USH2A: variants seen among roughly 807,000 people sequenced by gnomAD.
USH2A encodes the protein usherin.
A neutral mutation model predicts 538.9 loss-of-function variants in USH2A; 443 were observed. The ratio of observed to expected loss-of-function variants is 0.82; its 90% CI spans 0.76 to 0.89. The LOEUF (loss-of-function observed/expected upper bound fraction) is 0.89, where lower values mean the gene tolerates loss of function less well. USH2A is among the 40% of genes least tolerant of loss of function. The pLI, the probability that USH2A is intolerant of heterozygous loss-of-function variation, is 0.00. For synonymous variants in USH2A, 2,413 were observed against 2,273.5 expected, an observed-to-expected ratio of 1.06 and a Z score of -1.75; for missense variants, 6,633 against 6,324.8, an observed-to-expected ratio of 1.05 and a Z score of -1.65.
Position 215,674,247 on chromosome 1 carries a change from G to A in USH2A, c.13664C>T (p.Pro4555Leu), listed in dbSNP as rs772415448. 9 of 1,613,984 alleles carry A rather than the reference G, an allele frequency of 5.6e-6. No individual in the cohort carries two copies. The Admixed American group carries it at 1.2e-4, about 21-fold the overall frequency. Reference sequence around the variant, plus strand: ...GATGATATCACCATTTGTTCTCACTGGAGGGTCCCAGTTCACTAAGATCTC... The same window carrying A: ...GATGATATCACCATTTGTTCTCACTAGAGGGTCCCAGTTCACTAAGATCTC... ...PQEILVNWDP[P>L]VRTNGDIINY... The change falls in exon 63 of 72, where the codon CCA becomes CTA. Residue 4555 changes from proline to leucine, a missense_variant. By Grantham distance (98) the Pro-to-Leu change is moderately conservative. Transcript: ENST00000307340.
At chr1:216,148,033 C>T (rs548581164) in intron 21 of USH2A, among the ~76,000 whole-genome samples, 176 of 149,354 alleles carry the variant, frequency 1.2e-3, no homozygotes, top group South Asian at 5.5e-3. Context: ...ACTGCCCGAT[C>T]GCCTCGGAAG....
chr1:215,837,951 A>G, intron 47 of USH2A, 40 bp downstream of exon 47: 1 of 1,463,256 alleles, frequency 6.8e-7, no homozygotes. Context: ...ATTTCTTCTG[A>G]TCAGAGTTCC....
rs146138382 is a variant in USH2A at position 216,175,943 on chromosome 1, G to T, written c.4397-461C>A. Among the ~76,000 whole-genome samples, 58 of 152,150 alleles carry T rather than the reference G, an allele frequency of 3.8e-4. 1 individual carries two copies. The East Asian group carries it at 0.011, about 29-fold the overall frequency. On this transcript the variant is annotated intron_variant, in intron 20 of 71. Transcript: ENST00000307340. ...GAGCTGCCTCACCCAGGAGCCACAG[G>T]ATCCCGCAGTGAAACCTACAGCCAA...
chr1:216,068,361 T>G (rs182864424), intron 30 of USH2A, among the ~76,000 whole-genome samples: 2 of 152,176 alleles, frequency 1.3e-5, no homozygotes, highest in Admixed American at 6.5e-5. Flanking sequence ...ATAAAAGAGT[T>G]TGAATGACCC....
At position 215,813,756 on chromosome 1, in the gene USH2A, T is replaced by C; in HGVS notation, c.9719A>G (p.Tyr3240Cys). 6.2e-7 allele frequency: 1 copy of C among 1,613,864 alleles called. No individual in the cohort carries two copies. The highest frequency in any genetic ancestry group is 8.5e-7 in the Non-Finnish European group (1 of 1,179,818). The change falls in exon 49 of 72, where the codon TAT becomes TGT. Residue 3240 changes from tyrosine to cysteine, a missense_variant. By Grantham distance (194) the Tyr-to-Cys change is radical (BLOSUM62 -2). Transcript: ENST00000307340. ...AQPNHQCCSG[Y>C]YARILPGEVC... ...CTCACCTGGTAGAATTCTAGCGTAA[T>C]ACCCAGAGCAGCACTGATGATTTGG...
chr1:215,751,035 A>G (rs989361016), intron 58 of USH2A, among the ~76,000 whole-genome samples: 4 of 152,160 alleles, frequency 2.6e-5, no homozygotes, highest in African/African-American at 9.7e-5. Context: ...TTGCATTTAT[A>G]AGTTAAGAAA....
intron 30 of USH2A, among the ~76,000 whole-genome samples, chr1:216,066,451 G>A (rs1017085450): frequency 2.0e-4 from 30 of 152,142 alleles, no homozygotes; most frequent in African/African-American, 7.2e-4. Context: ...GGGCGACAGA[G>A]TGAGACTTCA....
intron 32 of USH2A, among the ~76,000 whole-genome samples, chr1:216,040,083 A>G (rs915956102): frequency 3.7e-4 from 55 of 148,018 alleles, no homozygotes; most frequent in African/African-American, 1.2e-3. Context: ...ACACACACAC[A>G]CGCATGCACA....
intron 21 of USH2A, among the ~76,000 whole-genome samples, chr1:216,126,329 T>C (rs963809261): frequency 6.6e-6 from 1 of 152,086 alleles, no homozygotes; most frequent in Non-Finnish European, 1.5e-5. Flanking sequence ...GTTCAAGCAA[T>C]TTTCCTGTAT....
At chr1:216,024,646 A>G (rs571666266) in intron 32 of USH2A, among the ~76,000 whole-genome samples, 1 of 152,160 alleles carries the variant, frequency 6.6e-6, no homozygotes, top group South Asian at 2.1e-4. Context: ...ATTGAGGAAA[A>G]GCATTTTTGT....
chr1:215,652,989 T>C (rs528771756), intron 64 of USH2A, among the ~76,000 whole-genome samples: 30 of 152,134 alleles, frequency 2.0e-4, no homozygotes, highest in Non-Finnish European at 4.1e-4. Context: ...GAGATGGAAG[T>C]AGTGCAGGCA....
chr1:216,395,233 A>G (rs1223851198), intron 3 of USH2A, among the ~76,000 whole-genome samples: 1 of 152,238 alleles, frequency 6.6e-6, no homozygotes, highest in African/African-American at 2.4e-5. Flanking sequence ...AAAATATTTA[A>G]CAATCAACCG....
chr1:215,880,117 T>C (rs1664869808), intron 41 of USH2A, among the ~76,000 whole-genome samples: 1 of 152,200 alleles, frequency 6.6e-6, no homozygotes, highest in African/African-American at 2.4e-5. Context: ...ATACAGTTAT[T>C]TTGAAACTTT....
chr1:215,804,170 C>G (rs1294179500), intron 49 of USH2A, among the ~76,000 whole-genome samples: 4 of 152,110 alleles, frequency 2.6e-5, no homozygotes, highest in South Asian at 2.1e-4. Context: ...AGACCTAAAA[C>G]CATAAAAACC....
At chr1:215,887,162 ATACT>A (rs1284210712) in intron 41 of USH2A, among the ~76,000 whole-genome samples, 1 of 152,132 alleles carries the variant, frequency 6.6e-6, no homozygotes, top group African/African-American at 2.4e-5. Context: ...CGGCCTGAAA[ATACT>A]TACTCTTTTT....
intron 3 of USH2A, among the ~76,000 whole-genome samples, chr1:216,390,823 T>C (rs17599209): frequency 1.3e-3 from 200 of 152,312 alleles, no homozygotes; most frequent in Non-Finnish European, 2.4e-3. Flanking sequence ...AGTGTTGCAA[T>C]TGCTCATCAA....
At chr1:215,626,982 C>T (rs982997529) in intron 71 of USH2A, among the ~76,000 whole-genome samples, 1 of 152,156 alleles carries the variant, frequency 6.6e-6, no homozygotes, top group African/African-American at 2.4e-5. Context: ...CTTTTAAAAA[C>T]TTTAGATCTG....
At chr1:215,757,510 CTT>C (rs1396088806) in intron 58 of USH2A, among the ~76,000 whole-genome samples, 4 of 152,114 alleles carry the variant, frequency 2.6e-5, no homozygotes, top group Admixed American at 2.0e-4. Flanking sequence ...TGTGGCTAAA[CTT>C]ATTCTGATGG....
intron 21 of USH2A, among the ~76,000 whole-genome samples, chr1:216,147,055 G>A (rs942146311): frequency 2.0e-5 from 3 of 152,078 alleles, no homozygotes; most frequent in Non-Finnish European, 2.9e-5. Context: ...TGACATCCAG[G>A]CATTCTTTTA....
Sources: gnomAD v4.1 joint callset for allele counts (sites outside exome capture counted in the v4.1 genomes callset) on GRCh38, gnomAD v4.1.1 for gene constraint, MANE v1.5 for transcripts, NCBI Gene and HGNC (gene_info 2026-07-23, HGNC 2026-07-21) for gene names.